Variants in MARK3 observed in about 807,000 individuals in gnomAD.
MARK3 encodes MAP/microtubule affinity-regulating kinase 3.
MARK3 carries 46 observed loss-of-function variants against 90.1 expected under a neutral mutation model. The ratio of observed to expected loss-of-function variants is 0.51; its 90% CI spans 0.40 to 0.65. The LOEUF is 0.65. MARK3 is among the 30% of genes least tolerant of loss of function. MARK3 has a pLI of 0.00. For synonymous variants in MARK3, 321 were observed against 332.6 expected (o/e 0.97, Z 0.38); for missense variants, 818 against 947.2 (o/e 0.86, Z 1.79).
At chr14:103,405,657 A>T (rs937592994) in intron 2 of MARK3, among the ~76,000 whole-genome samples, 1 of 151,240 alleles carries the variant, frequency 6.6e-6, no homozygotes, top group African/African-American at 2.4e-5. Flanking sequence ...GCTACTATGT[A>T]TTACATGTAT....
rs879543500 is a variant in MARK3 at position 103,449,824 on chromosome 14, A to AT, written c.346+858dup. On this transcript the variant is annotated intron_variant, in intron 4 of 17. Transcript: ENST00000429436. The stretch of plus-strand genomic sequence containing the variant: ...TGATAGATCATACAATCTAAAAATA[A>AT]TATTTCAAGAATGAAATCACTCTTA... 3.3e-4 allele frequency among the ~76,000 whole-genome samples: 51 copies of AT among 152,376 alleles called. 1 individual carries two copies. Among genetic ancestry groups the AT allele is most frequent in the Admixed American group, 1.7e-3 (26 of 15,302 alleles).
chr14:103,410,395 A>G (rs567709289), intron 2 of MARK3, among the ~76,000 whole-genome samples: 4 of 152,352 alleles, frequency 2.6e-5, no homozygotes, highest in African/African-American at 7.2e-5. Context: ...ACGTTTCACC[A>G]TGAGTTTGGG....
chr14:103,403,128 G>T (rs2091064185), intron 1 of MARK3, among the ~76,000 whole-genome samples: 1 of 151,508 alleles, frequency 6.6e-6, no homozygotes, highest in South Asian at 2.1e-4. Flanking sequence ...ACACATGAAG[G>T]TTGAATTTAT....
At chr14:103,437,666 G>T (rs906703960) in intron 3 of MARK3, among the ~76,000 whole-genome samples, 1 of 152,196 alleles carries the variant, frequency 6.6e-6, no homozygotes, top group Non-Finnish European at 1.5e-5. Context: ...TTTTAAGTGG[G>T]TTAAACTTAG....
intron 3 of MARK3, among the ~76,000 whole-genome samples, chr14:103,437,232 T>C (rs2092737388): frequency 6.6e-6 from 1 of 152,184 alleles, no homozygotes; most frequent in Non-Finnish European, 1.5e-5. Context: ...GCCAGACTTA[T>C]TTTTGTTTTG....
chr14:103,474,879 T>C, intron 12 of MARK3, 114 bp from the exon 13 acceptor site: 1 of 750,012 alleles, frequency 1.3e-6, no homozygotes, highest in East Asian at 2.7e-5. Context: ...TTTTACTGTT[T>C]TACATTTTTT....
chr14:103,486,328 A>C (rs1390712688), intron 14 of MARK3, among the ~76,000 whole-genome samples: 2 of 152,040 alleles, frequency 1.3e-5, no homozygotes, highest in African/African-American at 4.8e-5. Flanking sequence ...AGTCCCAGCT[A>C]TTTGGGAGGC....
chr14:103,395,169 C>T (rs1028312973), intron 1 of MARK3, among the ~76,000 whole-genome samples: 2 of 151,916 alleles, frequency 1.3e-5, no homozygotes, highest in Admixed American at 6.6e-5. Context: ...TAAGACTGAT[C>T]GAGATAAAGA....
chr14:103,493,426 ACTT>A (rs1467796766), intron 15 of MARK3, among the ~76,000 whole-genome samples: 2 of 151,878 alleles, frequency 1.3e-5, no homozygotes, highest in African/African-American at 2.4e-5. Flanking sequence ...CCTCTTACTC[ACTT>A]CTTAGCCCCT....
chr14:103,392,268 A>G (rs1200000803), intron 1 of MARK3, among the ~76,000 whole-genome samples: 2 of 152,222 alleles, frequency 1.3e-5, no homozygotes, highest in African/African-American at 4.8e-5. Context: ...CCTGGGACAC[A>G]TAGCTTTCCT....
intron 1 of MARK3, among the ~76,000 whole-genome samples, chr14:103,402,549 A>AAG (rs1388715711): frequency 6.6e-6 from 1 of 151,786 alleles, no homozygotes; most frequent in Non-Finnish European, 1.5e-5. Context: ...TCCATCTCAA[A>AAG]AAAAAAAAGG....
At chr14:103,434,296 C>T (rs760444918) in intron 3 of MARK3, among the ~76,000 whole-genome samples, 9 of 152,106 alleles carry the variant, frequency 5.9e-5, no homozygotes, top group Non-Finnish European at 7.3e-5. Flanking sequence ...CAAATCGCAA[C>T]GAGAAGTGTC....
At chr14:103,422,184 A>G (rs780483145) in intron 2 of MARK3, among the ~76,000 whole-genome samples, 1 of 152,190 alleles carries the variant, frequency 6.6e-6, no homozygotes, top group Non-Finnish European at 1.5e-5. Flanking sequence ...GTTGGGTGCA[A>G]TGGCTCATGC....
At chr14:103,460,073 C>CTTTTTTTTTTGTT (rs2093365224) in intron 6 of MARK3, among the ~76,000 whole-genome samples, 1 of 41,704 alleles carries the variant, frequency 2.4e-5, no homozygotes, top group African/African-American at 1.0e-4. Flanking sequence ...CCAGCTCCAT[C>CTTTTTTTTTTGTT]TTTTTTTTTT....
At position 103,475,117 on chromosome 14, in the gene MARK3, G is replaced by A. The variant is rs56126530; in HGVS notation, c.1389G>A (p.Lys463=). The A allele has an allele frequency of 0.012, 20,092 of 1,614,090 alleles. 167 individuals are homozygous for A. Among genetic ancestry groups the A allele is most frequent in the Non-Finnish European group, 0.013 (15,727 of 1,179,926 alleles). Residue 463 remains lysine, a synonymous_variant, in exon 13 of 18, where the codon AAG becomes AAA. Coordinates refer to ENST00000429436, the MANE Select transcript of MARK3 (RefSeq NM_001128918.3). ...CAAGTGGCAGTGCTGTTGGAGGAAA[G>A]GGAATTGCTCCAGCCAGTCCCATGC... ...RKSSGSAVGG[K]GIAPASPMLG...
At chr14:103,414,605 T>A (rs190962631) in intron 2 of MARK3, among the ~76,000 whole-genome samples, 1 of 152,326 alleles carries the variant, frequency 6.6e-6, no homozygotes, top group Admixed American at 6.5e-5. Context: ...CTAAAACCTC[T>A]GAAGAAAACC....
chr14:103,451,942 C>G lies in MARK3; in HGVS notation c.371C>G (p.Thr124Ser). ...NIVKLFEVIE[T>S]EKTLYLIMEY... ...GTGAAGTTATTCGAAGTCATTGAAA[C>G]TGAAAAAACACTCTACCTAATCATG... The change falls in exon 5 of 18, where the codon ACT becomes AGT. Residue 124 changes from threonine (T) to serine (S), a missense_variant. This residue lies in a region of MARK3 where 157 missense variants were observed against 158.7 expected (regional missense o/e 0.99). Transcript: ENST00000429436. 6.2e-7 allele frequency: 1 copy of G among 1,611,854 alleles called. No individual in the cohort carries two copies. The highest frequency in any genetic ancestry group is 1.7e-5 in the Admixed American group (1 of 59,702).
chr14:103,433,673 A>T (rs1566834714), intron 3 of MARK3, among the ~76,000 whole-genome samples: 1 of 151,910 alleles, frequency 6.6e-6, no homozygotes, highest in African/African-American at 2.4e-5. Context: ...TGACGGTGAG[A>T]CTCTGCCTCA....
Position 103,462,392 on chromosome 14 carries a change from C to T in MARK3, c.484-13C>T. On this transcript the variant is annotated splice_polypyrimidine_tract_variant and intron_variant, in intron 6 of 17. Transcript: ENST00000429436. The stretch of plus-strand genomic sequence containing the variant: ...GCACCAGTGATGACTGACTCTGCGT[C>T]TCTCCTATTCAGATTGTGTCTGCAG... The T allele has an allele frequency of 1.3e-6, 2 of 1,583,328 alleles. No individual in the cohort carries two copies. The highest frequency in any genetic ancestry group is 1.7e-6 in the Non-Finnish European group (2 of 1,155,040).
Sources: gnomAD v4.1 joint callset for allele counts (sites outside exome capture counted in the v4.1 genomes callset) on GRCh38, gnomAD v4.1.1 for gene constraint, gnomAD v4.1.1 regional missense constraint, MANE v1.5 for transcripts, NCBI Gene and HGNC (gene_info 2026-07-23, HGNC 2026-07-21) for gene names.